Variants in RFC3 observed in about 807,000 individuals in gnomAD.
RFC3 encodes replication factor C subunit 3.
In RFC3, 41 loss-of-function variants were observed where a neutral mutation model predicts 45.1. That is an observed-to-expected ratio of 0.91 (90% CI 0.71 to 1.18). The LOEUF is 1.18. Among genes scored for constraint, RFC3 ranks in the 50% most tolerant of loss-of-function variants. The pLI, the probability that RFC3 is intolerant of heterozygous loss-of-function variation, is 0.00. For synonymous variants in RFC3, 149 were observed against 144.0 expected (o/e 1.03, Z -0.25); for missense variants, 423 against 428.1 (o/e 0.99, Z 0.10).
chr13:33,845,098 A>G (rs1018571358), intron 8 of RFC3, among the ~76,000 whole-genome samples: 2 of 152,252 alleles, frequency 1.3e-5, no homozygotes, highest in East Asian at 1.9e-4. Context: ...TAAATATGCC[A>G]TGCCACTCTT....
intron 8 of RFC3, among the ~76,000 whole-genome samples, chr13:33,869,794 G>A (rs548330828): frequency 1.3e-5 from 2 of 152,082 alleles, no homozygotes; most frequent in Admixed American, 6.5e-5. Flanking sequence ...GCATATGTCC[G>A]GTGTCTTAAT....
At position 33,823,897 on chromosome 13, in the gene RFC3, A is replaced by T. The variant is rs2082025622; in HGVS notation, c.226-20A>T. The T allele has an allele frequency of 7.4e-7, 1 of 1,346,146 alleles. No individual in the cohort carries two copies. Among genetic ancestry groups the T allele is most frequent in the Admixed American group, 2.0e-5 (1 of 49,886 alleles). The allele number at this position is 1,346,146 out of a possible 1,614,324, so 83.4% of individuals were successfully genotyped here. ...TAGGCAATAAATAAATGTTAAAAAT[A>T]TCTTTTTCTTTGTCCACAGACTCCA... On this transcript the variant is annotated intron_variant, in intron 2 of 8. Coordinates refer to ENST00000380071, the MANE Select transcript of RFC3 (RefSeq NM_002915.4).
intron 8 of RFC3, among the ~76,000 whole-genome samples, chr13:33,871,792 A>G (rs1471940385): frequency 6.6e-6 from 1 of 152,230 alleles, no homozygotes; most frequent in Non-Finnish European, 1.5e-5. Flanking sequence ...TTCACTTGGC[A>G]TGGCAGCTGT....
At chr13:33,895,371 A>T (rs2082591195) in intron 8 of RFC3, among the ~76,000 whole-genome samples, 1 of 152,236 alleles carries the variant, frequency 6.6e-6, no homozygotes. Context: ...ACAAATGGCC[A>T]AAAAACATAT....
intron 3 of RFC3, among the ~76,000 whole-genome samples, 165 bp from the exon 4 acceptor site, chr13:33,825,624 T>C (rs1055626132): frequency 2.0e-5 from 3 of 152,152 alleles, no homozygotes; most frequent in Non-Finnish European, 4.4e-5. Context: ...GGAATATTGT[T>C]AGTATTTTCA....
At chr13:33,947,509 T>C (rs867376794) in intron 8 of RFC3, among the ~76,000 whole-genome samples, 16 of 152,026 alleles carry the variant, frequency 1.1e-4, no homozygotes, top group African/African-American at 3.9e-4. Flanking sequence ...GCTATAATGA[T>C]ACTCAAAAAT....
chr13:33,826,749 T>C (rs1288667009), intron 4 of RFC3, among the ~76,000 whole-genome samples: 4 of 152,070 alleles, frequency 2.6e-5, no homozygotes, highest in African/African-American at 9.7e-5. Flanking sequence ...GTAGTTTGAG[T>C]TTTTTTAGAT....
chr13:33,930,801 C>T (rs959246331), intron 8 of RFC3, among the ~76,000 whole-genome samples: 4 of 152,058 alleles, frequency 2.6e-5, no homozygotes, highest in Middle Eastern at 3.2e-3. Flanking sequence ...ATAAAATGAA[C>T]AGCTTGGGGC....
Position 33,831,404 on chromosome 13 carries a change from A to C in RFC3, c.809+50A>C, listed in dbSNP as rs200541534. 32 of 945,762 alleles carry C rather than the reference A, an allele frequency of 3.4e-5. No homozygotes were observed. In the Admixed American group the frequency reaches 4.6e-4, roughly 14 times the overall value. The allele number at this position is 945,762 out of a possible 1,614,324, so 58.6% of individuals were successfully genotyped here. ...AAAGCTTTCATTATCAGGATATCAT[A>C]GGACACATATTAACTATTTTATGCT... On this transcript the variant is annotated intron_variant, in intron 7 of 8. Coordinates refer to ENST00000380071, the MANE Select transcript of RFC3 (RefSeq NM_002915.4).
intron 8 of RFC3, chr13:33,847,695 TTGC>T: frequency 6.6e-6 from 1 of 152,354 alleles, no homozygotes; most frequent in African/African-American, 2.4e-5. Flanking sequence ...TTTTCTTAGT[TTGC>T]AATCCATTTT....
chr13:33,822,642 T>G (rs2082013936), intron 2 of RFC3, among the ~76,000 whole-genome samples: 1 of 152,184 alleles, frequency 6.6e-6, no homozygotes, highest in African/African-American at 2.4e-5. Flanking sequence ...CAGCAGTGTG[T>G]CATCATAGCT....
At chr13:33,823,155 A>C (rs921167869) in intron 2 of RFC3, among the ~76,000 whole-genome samples, 1 of 152,136 alleles carries the variant, frequency 6.6e-6, no homozygotes, top group Non-Finnish European at 1.5e-5. Flanking sequence ...GTAGATGGGG[A>C]ATGTTGGGGA....
chr13:33,867,589 C>T (rs2082381731), intron 8 of RFC3, among the ~76,000 whole-genome samples: 1 of 151,898 alleles, frequency 6.6e-6, no homozygotes, highest in South Asian at 2.1e-4. Context: ...GTAGATGATT[C>T]CCTGGGCAGC....
At chr13:33,852,472 T>A (rs1438750938) in intron 8 of RFC3, among the ~76,000 whole-genome samples, 2 of 152,186 alleles carry the variant, frequency 1.3e-5, no homozygotes, top group African/African-American at 4.8e-5. Flanking sequence ...TGAATCTGTT[T>A]TGTTGATCTC....
intron 8 of RFC3, among the ~76,000 whole-genome samples, chr13:33,858,263 C>T (rs537417947): frequency 4.7e-4 from 71 of 152,160 alleles, no homozygotes; most frequent in Non-Finnish European, 9.3e-4. Context: ...GTGTCTTGGT[C>T]TCCTACTGTA....
At chr13:33,931,212 G>T (rs1025339554) in intron 8 of RFC3, among the ~76,000 whole-genome samples, 1 of 152,090 alleles carries the variant, frequency 6.6e-6, no homozygotes, top group Non-Finnish European at 1.5e-5. Context: ...TGCTGCTCAC[G>T]ATGGCAATGA....
intron 8 of RFC3, among the ~76,000 whole-genome samples, chr13:33,941,259 A>G (rs1215431249): frequency 6.6e-6 from 1 of 151,938 alleles, no homozygotes; most frequent in Admixed American, 6.6e-5. Flanking sequence ...TTTTTGCCCA[A>G]TACATTCCTC....
intron 8 of RFC3, among the ~76,000 whole-genome samples, chr13:33,940,926 A>G (rs1411191096): frequency 6.6e-6 from 1 of 152,206 alleles, no homozygotes; most frequent in East Asian, 1.9e-4. Context: ...CATATTTACA[A>G]CTTTCTGCTG....
rs2082139727 is a variant in RFC3 at position 33,834,963 on chromosome 13, A to C, written c.810-185A>C. On this transcript the variant is annotated intron_variant, in intron 7 of 8. Transcript: ENST00000380071. The stretch of plus-strand genomic sequence containing the variant: ...TCCATATGTTTATCCTAAGTATGGT[A>C]AACTATTTAAGAAACAGTTATTATT... Among the ~76,000 whole-genome samples the C allele has an allele frequency of 2.0e-5, 3 of 152,182 alleles. No homozygotes were observed. The South Asian group carries it at 6.2e-4, about 32-fold the overall frequency.
Sources: allele counts gnomAD v4.1 joint callset (sites outside exome capture counted in the v4.1 genomes callset), GRCh38; gene constraint gnomAD v4.1.1; transcripts MANE v1.5; gene names NCBI Gene and HGNC (gene_info 2026-07-23, HGNC 2026-07-21).